Variants in NEK11 observed in about 807,000 individuals in gnomAD.
NEK11 encodes the protein NIMA related kinase 11, also known as serine/threonine-protein kinase Nek11.
Under a neutral mutation model 80.7 loss-of-function variants are expected in NEK11, and 72 were observed. The observed-to-expected ratio is 0.89, with a 90% CI of 0.74 to 1.08. The LOEUF (loss-of-function observed/expected upper bound fraction) is 1.08. NEK11 is among the 50% of genes least tolerant of loss of function. NEK11 has a pLI of 0.00. For synonymous variants in NEK11, 251 were observed against 260.7 expected (o/e 0.96, Z 0.36); for missense variants, 764 against 763.6 (o/e 1.00, Z -0.01).
At chr3:131,322,396 A>G (rs1162365105) in intron 17 of NEK11, among the ~76,000 whole-genome samples, 2 of 152,196 alleles carry the variant, frequency 1.3e-5, no homozygotes, top group African/African-American at 4.8e-5. Context: ...CACACAATAT[A>G]CAGTATACCC....
intron 7 of NEK11, among the ~76,000 whole-genome samples, chr3:131,148,511 A>T (rs529279601): frequency 1.3e-5 from 2 of 151,976 alleles, no homozygotes; most frequent in East Asian, 3.9e-4. Context: ...ATTTTTCTGT[A>T]TTCAACAAAT....
chr3:131,113,773 A>AT (rs1175201632), intron 5 of NEK11, among the ~76,000 whole-genome samples: 4 of 151,890 alleles, frequency 2.6e-5, no homozygotes, highest in Non-Finnish European at 5.9e-5. Context: ...TTAGCGAGGC[A>AT]TGGCGGCAGG....
At chr3:131,145,187 G>A (rs1487357761) in intron 7 of NEK11, among the ~76,000 whole-genome samples, 1 of 151,856 alleles carries the variant, frequency 6.6e-6, no homozygotes, top group Non-Finnish European at 1.5e-5. Context: ...TTTATTTTTT[G>A]TAGAGATGCA....
At chr3:131,090,380 A>G (rs1291916728) in intron 4 of NEK11, among the ~76,000 whole-genome samples, 1 of 152,224 alleles carries the variant, frequency 6.6e-6, no homozygotes, top group East Asian at 1.9e-4. Context: ...ATCTTAGTGA[A>G]GGAAAACATT....
chr3:131,284,011 G>A (rs1184556620), intron 17 of NEK11, among the ~76,000 whole-genome samples: 3 of 152,104 alleles, frequency 2.0e-5, no homozygotes, highest in African/African-American at 4.8e-5. Flanking sequence ...GTGCTTTGGG[G>A]CATAGAACAA....
chr3:131,280,142 G>A (rs2096372571), intron 17 of NEK11, among the ~76,000 whole-genome samples: 1 of 152,188 alleles, frequency 6.6e-6, no homozygotes, highest in African/African-American at 2.4e-5. Context: ...TTTCCAATTG[G>A]AAGTCAGGGA....
intron 17 of NEK11, among the ~76,000 whole-genome samples, chr3:131,276,210 A>G (rs2096287705): frequency 6.6e-6 from 1 of 152,248 alleles, no homozygotes; most frequent in Admixed American, 6.5e-5. Flanking sequence ...TGGTCATATT[A>G]ATTGCCACAG....
chr3:131,281,562 A>G (rs190191581), intron 17 of NEK11, among the ~76,000 whole-genome samples: 216 of 152,356 alleles, frequency 1.4e-3, no homozygotes, highest in African/African-American at 4.9e-3. Context: ...GCTGTAATTA[A>G]TAGCCTTGCA....
chr3:131,167,304 CTAAGGGATTT>C (rs2092319301), intron 12 of NEK11, among the ~76,000 whole-genome samples: 2 of 152,140 alleles, frequency 1.3e-5, no homozygotes, highest in African/African-American at 2.4e-5. Context: ...ATCACTGATT[CTAAGGGATTT>C]TCCCCCTAAG....
At chr3:131,193,136 T>C (rs999970823) in intron 14 of NEK11, among the ~76,000 whole-genome samples, 1 of 152,178 alleles carries the variant, frequency 6.6e-6, no homozygotes, top group African/African-American at 2.4e-5. Context: ...ATCATGAAAG[T>C]TAACCATGTT....
At chr3:131,130,403 T>G (rs543519358) in intron 5 of NEK11, among the ~76,000 whole-genome samples, 1 of 152,320 alleles carries the variant, frequency 6.6e-6, no homozygotes, top group South Asian at 2.1e-4. Context: ...GTTTTTTCCT[T>G]TCCCATCTCT....
At chr3:131,284,827 CA>C (rs1581393819) in intron 17 of NEK11, among the ~76,000 whole-genome samples, 3 of 152,184 alleles carry the variant, frequency 2.0e-5, no homozygotes, top group Non-Finnish European at 4.4e-5. Context: ...CAGGGGCTCT[CA>C]AGCCTTCGGC....
At chr3:131,134,502 G>C (rs1450300633) in intron 7 of NEK11, among the ~76,000 whole-genome samples, 2 of 151,924 alleles carry the variant, frequency 1.3e-5, no homozygotes, top group African/African-American at 4.8e-5. Context: ...TTGGGTTCAA[G>C]CGATTCTCCT....
chr3:131,255,001 G>C (rs112681650), intron 16 of NEK11, among the ~76,000 whole-genome samples: 28,541 of 150,310 alleles, frequency 0.19, 5,112 homozygotes, highest in African/African-American at 0.47. Flanking sequence ...GACTGGGTGA[G>C]AAGAGCAAGA....
At chr3:131,126,641 T>C (rs529149706) in intron 5 of NEK11, among the ~76,000 whole-genome samples, 198 of 152,298 alleles carry the variant, frequency 1.3e-3, no homozygotes, top group Non-Finnish European at 2.3e-3. Flanking sequence ...TTGTCCTTGG[T>C]GTTTTCCAAT....
intron 17 of NEK11, among the ~76,000 whole-genome samples, chr3:131,287,981 T>TA (rs1004406122): frequency 6.6e-6 from 1 of 152,174 alleles, no homozygotes; most frequent in African/African-American, 2.4e-5. Context: ...CCAATATTCA[T>TA]AAAAAACCTG....
chr3:131,077,504 G>C (rs1056723036), intron 3 of NEK11, among the ~76,000 whole-genome samples: 2 of 152,112 alleles, frequency 1.3e-5, no homozygotes, highest in Admixed American at 1.3e-4. Flanking sequence ...TGCCAGACGG[G>C]GCTCAGGTAT....
At chr3:131,088,036 G>A (rs982534762) in intron 4 of NEK11, 4 of 152,302 alleles carry the variant, frequency 2.6e-5, no homozygotes, top group African/African-American at 7.2e-5. Flanking sequence ...ACTGTCTTCA[G>A]TGGTTTGCAT....
At chr3:131,048,287 C>T (rs929077119) in intron 3 of NEK11, among the ~76,000 whole-genome samples, 2 of 152,174 alleles carry the variant, frequency 1.3e-5, no homozygotes, top group African/African-American at 4.8e-5. Flanking sequence ...ACTCCCTATT[C>T]GCCCCCTCCC....
Sources: gnomAD v4.1 joint callset for allele counts (sites outside exome capture counted in the v4.1 genomes callset) on GRCh38, gnomAD v4.1.1 for gene constraint, MANE v1.5 for transcripts, NCBI Gene and HGNC (gene_info 2026-07-23, HGNC 2026-07-21) for gene names.